Variants in CLEC4A observed in about 807,000 individuals in gnomAD.
CLEC4A encodes C-type lectin domain family 4 member A, also known as C-type (calcium dependent, carbohydrate-recognition domain) lectin, superfamily member 6.
A neutral mutation model predicts 32.7 loss-of-function variants in CLEC4A; 27 were observed. The observed-to-expected ratio is 0.83, with a 90% confidence interval of 0.61 to 1.14. The LOEUF is 1.14. Among genes scored for constraint, CLEC4A ranks in the 50% most tolerant of loss-of-function variants. The probability of loss-of-function intolerance (pLI) is 0.00; values close to 1 mark genes in which losing one functional copy is unlikely to be tolerated. For missense variants in CLEC4A, 253 were observed against 274.6 expected (o/e 0.92, Z 0.55); for synonymous variants, 89 against 93.7 (o/e 0.95, Z 0.29).
Position 8,138,435 on chromosome 12 carries a change from A to C in CLEC4A, c.*148A>C. 2.1e-6 allele frequency: 2 copies of C among 930,854 alleles called. No individual in the cohort carries two copies. The highest frequency in any genetic ancestry group is 2.3e-4 in the Middle Eastern group (1 of 4,388). The allele number at this position is 930,854 out of a possible 1,614,324, so 57.7% of individuals were successfully genotyped here. A position where few individuals can be genotyped will look rare whatever the true frequency, so the allele number is the denominator to read the frequency against. On this transcript the variant is annotated 3_prime_UTR_variant, in exon 6 of 6. Transcript: ENST00000229332. ...TACTTATGAGAGAATTGGTCTGTACATTGACTGATTCACTTTTTCATAAAG... is the reference window on the plus strand; with the variant it reads ...TACTTATGAGAGAATTGGTCTGTACCTTGACTGATTCACTTTTTCATAAAG...
At chr12:8,104,275 A>C in the CLEC4A span, among the ~76,000 whole-genome samples, 1 of 152,086 alleles carries the variant, frequency 6.6e-6, no homozygotes, top group Non-Finnish European at 1.5e-5. Context: ...CTTACCTTGA[A>C]TTGTAAGCCA....
chr12:8,105,001 C>T, the CLEC4A span, among the ~76,000 whole-genome samples: 13 of 152,210 alleles, frequency 8.5e-5, no homozygotes, highest in African/African-American at 2.6e-4. Context: ...GTTGATTCCA[C>T]GACTTTGCTA....
At chr12:8,136,637 C>A in intron 4 of CLEC4A, 151 bp from the exon 5 acceptor site, 2 of 546,434 alleles carry the variant, frequency 3.7e-6, no homozygotes, top group Middle Eastern at 2.9e-4. Flanking sequence ...TTTGATTCTG[C>A]CCTGCTCAGC....
At chr12:8,128,253 C>G (rs1947934411) in intron 2 of CLEC4A, among the ~76,000 whole-genome samples, 1 of 151,968 alleles carries the variant, frequency 6.6e-6, no homozygotes, top group Non-Finnish European at 1.5e-5. Flanking sequence ...GGGGTCAAGC[C>G]TTTAAGGAAG....
chr12:8,135,701 G>A lies in CLEC4A; in HGVS notation c.415G>A (p.Ala139Thr), dbSNP rs750283450. Reference protein sequence around the residue: ...DSEKDCARMEAHLLVINTQEE... With the variant: ...DSEKDCARMETHLLVINTQEE... ...TGAGAAGGACTGTGCTAGAATGGAG[G>A]CTCACCTGCTGGTGATAAACACTCA... Residue 139 changes from alanine (A) to threonine (T), a missense_variant, in exon 4 of 6, where the codon GCT becomes ACT. Transcript: ENST00000229332. 1.9e-6 allele frequency: 3 copies of A among 1,614,014 alleles called. No individual in the cohort carries two copies. The highest frequency in any genetic ancestry group is 1.7e-5 in the Admixed American group (1 of 60,012).
rs1284792541 is a variant in CLEC4A at position 8,123,968 on chromosome 12, T to C, written c.82+8T>C. 1 of 1,579,756 alleles carries C rather than the reference T, an allele frequency of 6.3e-7. No individual in the cohort carries two copies. The highest frequency in any genetic ancestry group is 2.2e-5 in the East Asian group (1 of 44,712). On this transcript the variant is annotated splice_region_variant and intron_variant, in intron 1 of 5. Transcript: ENST00000229332. ...ACACAGCCTCTTCTGCAGGTAAAGATCATTTTCTAGGGGTCAGAGTGAATG... is the reference window on the plus strand; with the variant it reads ...ACACAGCCTCTTCTGCAGGTAAAGACCATTTTCTAGGGGTCAGAGTGAATG...
upstream of CLEC4A, among the ~76,000 whole-genome samples, chr12:8,119,088 T>A (rs1947811110): frequency 6.6e-6 from 1 of 152,350 alleles, no homozygotes; most frequent in Non-Finnish European, 1.5e-5. Context: ...ACAACACTAA[T>A]GGACTGAGAA....
chr12:8,108,391 A>C, the CLEC4A span, among the ~76,000 whole-genome samples: 1 of 152,204 alleles, frequency 6.6e-6, no homozygotes, highest in Non-Finnish European at 1.5e-5. Context: ...CTAAAATTGC[A>C]TTGCACTTTG....
At chr12:8,124,252 C>T (rs1447585251) in intron 1 of CLEC4A, among the ~76,000 whole-genome samples, 2 of 152,156 alleles carry the variant, frequency 1.3e-5, no homozygotes, top group Non-Finnish European at 2.9e-5. Context: ...TCTGATGCCC[C>T]TGTGTTTTCT....
chr12:8,134,280 G>A, intron 3 of CLEC4A: 1 of 1,612,476 alleles, frequency 6.2e-7, no homozygotes, highest in Non-Finnish European at 8.5e-7. Flanking sequence ...TTGAAGCTAA[G>A]CTGCAGAGCC....
At chr12:8,134,679 C>T (rs1286270386) in intron 3 of CLEC4A, 3 of 1,580,352 alleles carry the variant, frequency 1.9e-6, no homozygotes, top group East Asian at 4.7e-5. Flanking sequence ...GGGAATCCCC[C>T]ACTCCTCAGA....
chr12:8,135,280 A>T (rs964152141), intron 3 of CLEC4A, among the ~76,000 whole-genome samples: 1 of 151,904 alleles, frequency 6.6e-6, no homozygotes, highest in Non-Finnish European at 1.5e-5. Flanking sequence ...CTTATTTTCT[A>T]TTGAACTCTG....
the CLEC4A span, among the ~76,000 whole-genome samples, chr12:8,102,973 A>G: frequency 1.3e-5 from 2 of 152,142 alleles, no homozygotes; most frequent in African/African-American, 4.8e-5. Context: ...AGGCACTGCT[A>G]TTGACAGAGG....
intron 3 of CLEC4A, among the ~76,000 whole-genome samples, chr12:8,129,812 A>C (rs1270657468): frequency 6.6e-6 from 1 of 152,174 alleles, no homozygotes; most frequent in Non-Finnish European, 1.5e-5. Context: ...AGACAAAAAA[A>C]CAAATATATA....
intron 3 of CLEC4A, chr12:8,134,165 C>T: frequency 2.5e-6 from 4 of 1,608,384 alleles, no homozygotes; most frequent in African/African-American, 1.3e-5. Flanking sequence ...CTTTCTCTTT[C>T]GGGCCTGCAC....
At chr12:8,129,468 T>G (rs1947958317) in intron 3 of CLEC4A, 106 bp downstream of exon 3, 5 of 768,690 alleles carry the variant, frequency 6.5e-6, no homozygotes, top group Non-Finnish European at 1.1e-5. Flanking sequence ...AAAAGTTGAG[T>G]CTCACAATAA....
At chr12:8,134,972 C>CGTTTTTTT (rs1229942721) in intron 3 of CLEC4A, 8 of 191,270 alleles carry the variant, frequency 4.2e-5, no homozygotes, top group Middle Eastern at 1.4e-3. Flanking sequence ...CTTGTTGAAG[C>CGTTTTTTT]GTTTTTGTTT....
At chr12:8,118,253 G>A in the CLEC4A span, among the ~76,000 whole-genome samples, 1 of 152,164 alleles carries the variant, frequency 6.6e-6, no homozygotes, top group Non-Finnish European at 1.5e-5. Context: ...TCTTCTACCT[G>A]TGAAGATAAG....
chr12:8,134,974 T>TTTTTTTTTTTTTTGTA, intron 3 of CLEC4A: 1 of 199,918 alleles, frequency 5.0e-6, no homozygotes, highest in Non-Finnish European at 6.8e-6. Context: ...TGTTGAAGCG[T>TTTTTTTTTTTTTTGTA]TTTTGTTTTT....
Sources: gnomAD v4.1 joint callset for allele counts (sites outside exome capture counted in the v4.1 genomes callset) on GRCh38, gnomAD v4.1.1 for gene constraint, MANE v1.5 for transcripts, NCBI Gene and HGNC (gene_info 2026-07-23, HGNC 2026-07-21) for gene names.